The following WWOX variants were observed in gnomAD, a reference collection of about 807,000 sequenced individuals.
WWOX encodes WW domain containing oxidoreductase, also known as WW domain-containing oxidoreductase.
WWOX carries 69 observed loss-of-function variants against 46.2 expected under a neutral mutation model. The observed-to-expected ratio is 1.49, with a 90% CI of 1.23 to 1.82. WWOX has a LOEUF of 1.82. WWOX is among the 40% of genes most tolerant of loss of function. The probability of loss-of-function intolerance (pLI) is 0.00; values close to 1 mark genes in which losing one functional copy is unlikely to be tolerated. For missense variants in WWOX, 919 were observed against 542.6 expected (o/e 1.69, Z -6.89); for synonymous variants, 359 against 202.6 (o/e 1.77, Z -6.56).
chr16:78,420,410 C>T (rs1485318707), intron 6 of WWOX, among the ~76,000 whole-genome samples: 1 of 152,006 alleles, frequency 6.6e-6, no homozygotes, highest in African/African-American at 2.4e-5. Context: ...GTGGTATATT[C>T]ATATAATGGA....
chr16:79,148,054 G>A, intron 8 of WWOX, among the ~76,000 whole-genome samples: 1 of 151,998 alleles, frequency 6.6e-6, no homozygotes, highest in Non-Finnish European at 1.5e-5. Flanking sequence ...ATGGACATTT[G>A]CAAAATAAAA....
At chr16:79,161,879 T>C (rs2050493767) in intron 8 of WWOX, among the ~76,000 whole-genome samples, 1 of 152,222 alleles carries the variant, frequency 6.6e-6, no homozygotes, top group Admixed American at 6.5e-5. Flanking sequence ...CTTGGATTTG[T>C]TTCTTTGAGG....
At chr16:78,912,615 C>T (rs927253619) in intron 8 of WWOX, among the ~76,000 whole-genome samples, 1 of 151,990 alleles carries the variant, frequency 6.6e-6, no homozygotes, top group Non-Finnish European at 1.5e-5. Flanking sequence ...GGGAAAACAC[C>T]TTGTAGAATT....
At chr16:78,678,476 C>T (rs944133377) in intron 8 of WWOX, among the ~76,000 whole-genome samples, 1 of 152,148 alleles carries the variant, frequency 6.6e-6, no homozygotes. Flanking sequence ...ATTTGAGCAC[C>T]TGTTTGTTCA....
At chr16:78,286,145 T>A (rs1220421118) in intron 5 of WWOX, among the ~76,000 whole-genome samples, 2 of 152,258 alleles carry the variant, frequency 1.3e-5, no homozygotes, top group African/African-American at 4.8e-5. Flanking sequence ...ATTGTGATTT[T>A]CATTCCCTTG....
chr16:78,355,482 G>A (rs1474894596), intron 5 of WWOX: 1 of 343,008 alleles, frequency 2.9e-6, no homozygotes, highest in South Asian at 2.9e-5. Flanking sequence ...GGCACCTGTA[G>A]TCCCAGCTAC....
In WWOX at chr16:78,346,682, T is replaced by G. The variant is rs2081099928; in HGVS notation, c.517-40178T>G. 2.5e-5 allele frequency among the ~76,000 whole-genome samples: 3 copies of G among 119,824 alleles called. 1 individual carries two copies. The highest frequency in any genetic ancestry group is 8.1e-5 in the Admixed American group (1 of 12,270). 78.6% of individuals were successfully genotyped at this position (119,824 alleles called of 152,430 possible). On this transcript the variant is annotated intron_variant, in intron 5 of 8. Coordinates refer to ENST00000566780, the MANE Select transcript of WWOX (RefSeq NM_016373.4). ...ATGATTTTGAACATGAAAACTATGCTTATTGCTCATATCTATGTTATTTTA... is the reference window on the plus strand; with the variant it reads ...ATGATTTTGAACATGAAAACTATGCGTATTGCTCATATCTATGTTATTTTA...
chr16:78,708,750 G>C (rs563335941), intron 8 of WWOX, among the ~76,000 whole-genome samples: 1 of 152,248 alleles, frequency 6.6e-6, no homozygotes, highest in Non-Finnish European at 1.5e-5. Flanking sequence ...AAATTAAAAA[G>C]ATACATGACG....
At chr16:78,870,346 G>C (rs1486452993) in intron 8 of WWOX, among the ~76,000 whole-genome samples, 1 of 151,858 alleles carries the variant, frequency 6.6e-6, no homozygotes, top group East Asian at 1.9e-4. Context: ...TCAAACTTTA[G>C]AATCACAAGG....
At chr16:78,364,073 G>A (rs1384242224) in intron 5 of WWOX, among the ~76,000 whole-genome samples, 2 of 152,214 alleles carry the variant, frequency 1.3e-5, no homozygotes, top group Non-Finnish European at 2.9e-5. Context: ...TTTCAAGGTT[G>A]AAGGTTCCTT....
At chr16:78,730,876 C>G (rs369267987) in intron 8 of WWOX, among the ~76,000 whole-genome samples, 17 of 152,078 alleles carry the variant, frequency 1.1e-4, no homozygotes, top group African/African-American at 3.9e-4. Flanking sequence ...GGCAACTTAG[C>G]AGCCACAGGA....
intron 8 of WWOX, among the ~76,000 whole-genome samples, chr16:79,048,047 A>G (rs1297835435): frequency 6.6e-6 from 1 of 152,104 alleles, no homozygotes; most frequent in African/African-American, 2.4e-5. Flanking sequence ...TCTGCTCCCT[A>G]AGATGCCAGG....
At chr16:78,596,663 T>C (rs1284003398) in intron 8 of WWOX, among the ~76,000 whole-genome samples, 1 of 152,088 alleles carries the variant, frequency 6.6e-6, no homozygotes, top group Non-Finnish European at 1.5e-5. Flanking sequence ...ACACGGACTG[T>C]GTCATTGGAA....
chr16:79,098,651 C>G (rs916162884), intron 8 of WWOX, among the ~76,000 whole-genome samples: 5 of 152,100 alleles, frequency 3.3e-5, no homozygotes, highest in African/African-American at 1.2e-4. Context: ...TGAATTTTTC[C>G]TAAAATGTGC....
At chr16:78,144,450 C>CGTGTATATATATATATATAT (rs1555543046) in intron 4 of WWOX, among the ~76,000 whole-genome samples, 1 of 24,926 alleles carries the variant, frequency 4.0e-5, no homozygotes, top group African/African-American at 1.2e-4. Context: ...TATATATACA[C>CGTGTATATATATATATATAT]ATATATATAT....
At chr16:79,071,690 C>A (rs937090450) in intron 8 of WWOX, among the ~76,000 whole-genome samples, 2 of 152,234 alleles carry the variant, frequency 1.3e-5, no homozygotes, top group Non-Finnish European at 2.9e-5. Context: ...CCCCGCATTC[C>A]CCTTCACGTT....
chr16:78,144,504 T>TATATATATACACACACACACAC (rs2034126499), intron 4 of WWOX, among the ~76,000 whole-genome samples: 2 of 26,568 alleles, frequency 7.5e-5, no homozygotes, highest in African/African-American at 3.5e-4. Context: ...CACACACATA[T>TATATATATACACACACACACAC]ATATATATAT....
At chr16:78,440,735 C>T (rs1249999497) in intron 8 of WWOX, among the ~76,000 whole-genome samples, 3 of 151,872 alleles carry the variant, frequency 2.0e-5, no homozygotes, top group Admixed American at 6.6e-5. Flanking sequence ...TCTCCTGCCT[C>T]AGCCTCCCAA....
chr16:78,424,268 C>T (rs1290344237), intron 6 of WWOX, among the ~76,000 whole-genome samples: 1 of 151,782 alleles, frequency 6.6e-6, no homozygotes, highest in Non-Finnish European at 1.5e-5. Context: ...CAGACATATA[C>T]CACCACACCT....
Sources: gnomAD v4.1 joint callset for allele counts (sites outside exome capture counted in the v4.1 genomes callset) on GRCh38, gnomAD v4.1.1 for gene constraint, MANE v1.5 for transcripts, NCBI Gene and HGNC (gene_info 2026-07-23, HGNC 2026-07-21) for gene names.